Variants in SRD5A2 observed in about 807,000 individuals in gnomAD.
SRD5A2 encodes 3-oxo-5-alpha-steroid 4-dehydrogenase 2.
In SRD5A2, 30 loss-of-function variants were observed where a neutral mutation model predicts 27.4. The ratio of observed to expected loss-of-function variants is 1.10; its 90% CI spans 0.82 to 1.49. The LOEUF is 1.49. Ranked by LOEUF, SRD5A2 falls within the 40% of genes most tolerant of loss-of-function variation. The probability of loss-of-function intolerance (pLI) is 0.00; values close to 1 mark genes in which losing one functional copy is unlikely to be tolerated. For missense variants in SRD5A2, 348 were observed against 323.4 expected (o/e 1.08, Z -0.58); for synonymous variants, 141 against 133.6 (o/e 1.06, Z -0.38).
chr2:31,661,582 G>A, the SRD5A2 span, among the ~76,000 whole-genome samples: 5 of 152,246 alleles, frequency 3.3e-5, no homozygotes, highest in Middle Eastern at 3.4e-3. Context: ...AGAGACTAAT[G>A]AAGAATTGTG....
Position 31,533,723 on chromosome 2 carries a change from C to T in SRD5A2, c.325G>A (p.Ala109Thr), listed in dbSNP as rs1336325184. 2 of 1,600,720 alleles carry T rather than the reference C, an allele frequency of 1.2e-6. No homozygotes were observed. Among genetic ancestry groups the T allele is most frequent in the Non-Finnish European group, 1.7e-6 (2 of 1,173,596 alleles). ...SLLNRGRPYP[A>T]ILILRGTAFC... is the part of the protein sequence containing the mutation. The stretch of plus-strand genomic sequence containing the variant: ...GCAGTGCCTCTGAGAATGAGTATAG[C>T]TGGATAAGGCCTCCCTCGATTGAGC... Residue 109 changes from alanine (A) to threonine (T), a missense_variant, in exon 2 of 5, where the codon GCT becomes ACT. Transcript: ENST00000622030.
chr2:31,587,765 G>A, the SRD5A2 span, among the ~76,000 whole-genome samples: 1 of 152,110 alleles, frequency 6.6e-6, no homozygotes, highest in African/African-American at 2.4e-5. Flanking sequence ...GAGTCAAGGG[G>A]AGGGAGAGCG....
the SRD5A2 span, among the ~76,000 whole-genome samples, chr2:31,640,592 C>G: frequency 2.0e-5 from 3 of 152,098 alleles, no homozygotes; most frequent in Non-Finnish European, 4.4e-5. Flanking sequence ...ATAGTTGGAG[C>G]ATTGCCTGTT....
upstream of SRD5A2, among the ~76,000 whole-genome samples, chr2:31,583,639 G>GA (rs1491349335): frequency 5.7e-5 from 1 of 17,502 alleles, no homozygotes; most frequent in African/African-American, 1.9e-4. Context: ...CAAAAAAAAA[G>GA]CAAAAAAAAA....
intron 1 of SRD5A2, among the ~76,000 whole-genome samples, chr2:31,574,796 C>G (rs994254923): frequency 1.3e-4 from 20 of 152,240 alleles, no homozygotes; most frequent in Admixed American, 6.5e-5. Flanking sequence ...TGTAAAGCCA[C>G]GCCATTCATA....
the SRD5A2 span, chr2:31,651,260 C>A: frequency 6.6e-6 from 1 of 152,352 alleles, no homozygotes; most frequent in Non-Finnish European, 1.5e-5. Context: ...AACAGGAAAT[C>A]TAATCTAAAA....
chr2:31,596,385 CA>C, the SRD5A2 span, among the ~76,000 whole-genome samples: 2,212 of 63,914 alleles, frequency 0.035, 38 homozygotes, highest in African/African-American at 0.11. Flanking sequence ...AAGACTCCAC[CA>C]AAAAAAAAAA....
At chr2:31,599,908 G>T in the SRD5A2 span, among the ~76,000 whole-genome samples, 1 of 151,704 alleles carries the variant, frequency 6.6e-6, no homozygotes, top group Non-Finnish European at 1.5e-5. Flanking sequence ...CTGTGGGTTT[G>T]TTGTACGGAT....
the SRD5A2 span, among the ~76,000 whole-genome samples, chr2:31,593,526 C>A: frequency 6.6e-6 from 1 of 152,090 alleles, no homozygotes; most frequent in African/African-American, 2.4e-5. Context: ...ACAAAACCTC[C>A]AAGAAATTTT....
Position 31,580,809 on chromosome 2 carries a change from G to C in SRD5A2, c.92C>G (p.Ser31Cys), listed in dbSNP as rs782496734. Residue 31 changes from serine to cysteine, a missense_variant, in exon 1 of 5, where the codon TCC (serine) becomes TGC (cysteine). Physicochemically the swap from Ser to Cys is moderately radical, Grantham distance 112. Coordinates refer to ENST00000622030, the MANE Select transcript of SRD5A2 (RefSeq NM_000348.4). ...GCTCTCCGTGTGCTTCCCGTAGCCGGAGGGCTTCGCGACGTACAAGGCCAG... is the reference window on the plus strand; with the variant it reads ...GCTCTCCGTGTGCTTCCCGTAGCCGCAGGGCTTCGCGACGTACAAGGCCAG... ...GALALYVAKP[S>C]GYGKHTESLK... 1 of 1,612,504 alleles carries C rather than the reference G, an allele frequency of 6.2e-7. No individual in the cohort carries two copies. The highest frequency in any genetic ancestry group is 1.7e-5 in the Admixed American group (1 of 60,014).
the SRD5A2 span, among the ~76,000 whole-genome samples, chr2:31,587,338 CAG>C: frequency 6.6e-6 from 1 of 152,154 alleles, no homozygotes; most frequent in Admixed American, 6.5e-5. Flanking sequence ...TTGTGGAAGA[CAG>C]TGTGGTGATT....
At chr2:31,611,489 A>G in the SRD5A2 span, among the ~76,000 whole-genome samples, 1 of 152,218 alleles carries the variant, frequency 6.6e-6, no homozygotes, top group South Asian at 2.1e-4. Flanking sequence ...GAATGCTTAC[A>G]AATTAAAATT....
the SRD5A2 span, among the ~76,000 whole-genome samples, chr2:31,643,077 C>A: frequency 2.6e-5 from 4 of 152,082 alleles, no homozygotes; most frequent in Non-Finnish European, 4.4e-5. Context: ...TAAAAACATT[C>A]TGTATCTTGA....
intron 1 of SRD5A2, 110 bp downstream of exon 1, chr2:31,580,493 TCCGCGTTCCTCACAGCG>T: frequency 8.2e-7 from 1 of 1,222,474 alleles, no homozygotes; most frequent in Non-Finnish European, 1.1e-6. Flanking sequence ...CAGGCTGGCC[TCCGCGTTCCTCACAGCG>T]CCCCACGCTG....
the SRD5A2 span, among the ~76,000 whole-genome samples, chr2:31,649,036 C>A: frequency 6.6e-6 from 1 of 152,168 alleles, no homozygotes; most frequent in Admixed American, 6.5e-5. Flanking sequence ...TCTAAATTAT[C>A]AGATGCCTCA....
At chr2:31,608,389 T>C in the SRD5A2 span, among the ~76,000 whole-genome samples, 1 of 151,378 alleles carries the variant, frequency 6.6e-6, no homozygotes, top group African/African-American at 2.4e-5. Flanking sequence ...AAAATTAAGA[T>C]AAAATCTAAA....
At chr2:31,657,652 GA>G in the SRD5A2 span, among the ~76,000 whole-genome samples, 1 of 149,350 alleles carries the variant, frequency 6.7e-6, no homozygotes, top group Non-Finnish European at 1.5e-5. Context: ...TCATGGTTTT[GA>G]AAAATTGGCT....
the SRD5A2 span, among the ~76,000 whole-genome samples, chr2:31,624,545 C>A: frequency 6.6e-6 from 1 of 151,788 alleles, no homozygotes; most frequent in Non-Finnish European, 1.5e-5. Context: ...CTGTGATGTT[C>A]CCCACCCTGT....
intron 1 of SRD5A2, among the ~76,000 whole-genome samples, chr2:31,573,454 T>C (rs1012798351): frequency 6.6e-6 from 1 of 152,224 alleles, no homozygotes; most frequent in Non-Finnish European, 1.5e-5. Context: ...CAGACTTTGA[T>C]GTCCCCATTG....
Sources: gnomAD v4.1 joint callset for allele counts (sites outside exome capture counted in the v4.1 genomes callset) on GRCh38, gnomAD v4.1.1 for gene constraint, MANE v1.5 for transcripts, NCBI Gene and HGNC (gene_info 2026-07-23, HGNC 2026-07-21) for gene names.